The following ULK4 variants were observed in gnomAD, a reference collection of about 807,000 sequenced individuals.
ULK4 encodes the protein inactive serine/threonine-protein kinase ULK4.
ULK4 carries 133 observed loss-of-function variants against 160.6 expected under a neutral mutation model. That is an observed-to-expected ratio of 0.83 (90% confidence interval 0.72 to 0.96). The LOEUF (loss-of-function observed/expected upper bound fraction) is 0.96, where lower values mean the gene tolerates loss of function less well. Ranked by LOEUF, ULK4 falls within the 40% of genes least tolerant of loss-of-function variation. ULK4 has a pLI of 0.00. For synonymous variants in ULK4, 534 were observed against 539.8 expected, an observed-to-expected ratio of 0.99 and a Z score of 0.15; for missense variants, 1,580 against 1,499.5, an observed-to-expected ratio of 1.05 and a Z score of -0.89.
chr3:41,331,884 T>C (rs911645766), intron 35 of ULK4, among the ~76,000 whole-genome samples: 1 of 152,206 alleles, frequency 6.6e-6, no homozygotes, highest in East Asian at 1.9e-4. Flanking sequence ...TTTGTTAATA[T>C]GGATTAAGTA....
At chr3:41,640,870 T>A (rs1015094801) in intron 30 of ULK4, among the ~76,000 whole-genome samples, 1 of 152,210 alleles carries the variant, frequency 6.6e-6, no homozygotes, top group African/African-American at 2.4e-5. Context: ...AGATGTCAAT[T>A]CACTGGAGTG....
At chr3:41,282,047 C>T (rs1397362632) in intron 35 of ULK4, among the ~76,000 whole-genome samples, 1 of 152,134 alleles carries the variant, frequency 6.6e-6, no homozygotes, top group Non-Finnish European at 1.5e-5. Context: ...AACTCCCATT[C>T]ACAATTGCTT....
intron 32 of ULK4, among the ~76,000 whole-genome samples, chr3:41,546,573 C>A (rs1363662219): frequency 6.6e-6 from 1 of 151,906 alleles, no homozygotes; most frequent in Non-Finnish European, 1.5e-5. Context: ...AAAGTATAGC[C>A]CAGCCTTCAC....
intron 35 of ULK4, among the ~76,000 whole-genome samples, chr3:41,349,197 T>A (rs1402614062): frequency 6.6e-6 from 1 of 152,202 alleles, no homozygotes; most frequent in Non-Finnish European, 1.5e-5. Context: ...CATTCCCTAT[T>A]TATCATTCAC....
At chr3:41,537,987 C>A (rs115333913) in intron 32 of ULK4, among the ~76,000 whole-genome samples, 2 of 151,052 alleles carry the variant, frequency 1.3e-5, no homozygotes, top group Non-Finnish European at 2.9e-5. Context: ...GGCAGATATG[C>A]TTTCTCATCA....
In ULK4 at chr3:41,579,347, G is replaced by C. The variant is rs904822571; in HGVS notation, c.3121-13217C>G. On this transcript the variant is annotated intron_variant, in intron 31 of 36. Coordinates refer to ENST00000301831, the MANE Select transcript of ULK4 (RefSeq NM_017886.4). The stretch of plus-strand genomic sequence containing the variant: ...AGAAAGGATAGGGATAAGGAAGGAA[G>C]GAGGAACAGATGGCTTTACCCATGA... Among the ~76,000 whole-genome samples, 117 of 152,100 alleles carry C rather than the reference G, an allele frequency of 7.7e-4. 1 individual carries two copies. The highest frequency in any genetic ancestry group is 2.8e-4 in the Non-Finnish European group (19 of 68,040).
chr3:41,871,595 A>G (rs1384845245), intron 17 of ULK4, among the ~76,000 whole-genome samples: 1 of 152,254 alleles, frequency 6.6e-6, no homozygotes. Context: ...CTAACGGATA[A>G]TAATGACAAG....
chr3:41,863,649 C>T (rs774865725), intron 17 of ULK4, among the ~76,000 whole-genome samples: 10 of 151,816 alleles, frequency 6.6e-5, no homozygotes, highest in Non-Finnish European at 1.2e-4. Context: ...AAAGGCTCTT[C>T]GGTTCACAGG....
intron 30 of ULK4, among the ~76,000 whole-genome samples, chr3:41,653,271 T>C (rs1232560048): frequency 6.6e-5 from 10 of 152,142 alleles, no homozygotes; most frequent in East Asian, 1.9e-4. Flanking sequence ...CCAGAGCCCA[T>C]TGAAATTATT....
chr3:41,546,678 A>G (rs950310202), intron 32 of ULK4, among the ~76,000 whole-genome samples: 5 of 150,884 alleles, frequency 3.3e-5, no homozygotes, highest in African/African-American at 1.2e-4. Flanking sequence ...AATCCTCACT[A>G]GCTCACATCC....
At chr3:41,599,565 C>CTTTT (rs200055034) in intron 31 of ULK4, among the ~76,000 whole-genome samples, 19 of 130,764 alleles carry the variant, frequency 1.5e-4, no homozygotes, top group African/African-American at 4.3e-4. Context: ...TTTTCTTTTT[C>CTTTT]TTTTTTTTTT....
intron 18 of ULK4, among the ~76,000 whole-genome samples, chr3:41,822,199 C>T (rs1265719264): frequency 6.7e-6 from 1 of 150,060 alleles, no homozygotes. Context: ...GATCATGTCC[C>T]TGCCAGTCTC....
chr3:41,627,331 A>T (rs1488834063), intron 30 of ULK4, among the ~76,000 whole-genome samples: 1 of 152,132 alleles, frequency 6.6e-6, no homozygotes, highest in African/African-American at 2.4e-5. Flanking sequence ...GTCCATGGAG[A>T]TCACTGGGTT....
chr3:41,832,422 G>T (rs1244508477), intron 18 of ULK4, among the ~76,000 whole-genome samples: 3 of 152,110 alleles, frequency 2.0e-5, no homozygotes, highest in Admixed American at 6.6e-5. Context: ...TAAGTTCCTT[G>T]TAGATTCTGG....
intron 35 of ULK4, among the ~76,000 whole-genome samples, chr3:41,350,501 C>A (rs528479064): frequency 1.5e-4 from 23 of 152,224 alleles, no homozygotes; most frequent in African/African-American, 5.1e-4. Flanking sequence ...TACAATTTGA[C>A]GGCTTGCCTA....
intron 35 of ULK4, among the ~76,000 whole-genome samples, chr3:41,287,890 A>G (rs543347951): frequency 6.6e-6 from 1 of 152,348 alleles, no homozygotes; most frequent in Admixed American, 6.5e-5. Flanking sequence ...AAGGTTACAC[A>G]TGGGGACATT....
intron 35 of ULK4, among the ~76,000 whole-genome samples, chr3:41,294,465 C>G (rs541226295): frequency 6.6e-6 from 1 of 152,196 alleles, no homozygotes; most frequent in African/African-American, 2.4e-5. Context: ...TCATTTGAGA[C>G]CAGCTGTCAC....
At chr3:41,618,510 T>C (rs1036246009) in intron 30 of ULK4, among the ~76,000 whole-genome samples, 5 of 152,326 alleles carry the variant, frequency 3.3e-5, no homozygotes, top group African/African-American at 9.6e-5. Context: ...CAGAATTTCA[T>C]ATGCAGCCAA....
chr3:41,707,664 C>T (rs994151652), intron 25 of ULK4, among the ~76,000 whole-genome samples: 37 of 151,764 alleles, frequency 2.4e-4, no homozygotes, highest in African/African-American at 7.5e-4. Flanking sequence ...AGACTGTCTC[C>T]GCAGAAAAAT....
Sources: allele counts gnomAD v4.1 joint callset (sites outside exome capture counted in the v4.1 genomes callset), GRCh38; gene constraint gnomAD v4.1.1; transcripts MANE v1.5; gene names NCBI Gene and HGNC (gene_info 2026-07-23, HGNC 2026-07-21).